The following EPB41 variants were observed in gnomAD, a reference collection of about 807,000 sequenced individuals.
EPB41 encodes protein 4.1.
EPB41 carries 65 observed loss-of-function variants against 108.0 expected under a neutral mutation model. The observed-to-expected ratio is 0.60, with a 90% confidence interval of 0.49 to 0.74. The LOEUF is 0.74. Ranked by LOEUF, EPB41 falls within the 30% of genes least tolerant of loss-of-function variation. EPB41 has a pLI of 0.00. For missense variants in EPB41, 875 were observed against 1,037.0 expected (o/e 0.84, Z 2.15); for synonymous variants, 336 against 358.9 (o/e 0.94, Z 0.72).
At position 28,969,735 on chromosome 1, in the gene EPB41, T is replaced by TA. The variant is rs1293204888; in HGVS notation, c.-7-17689dup. ...TAACACGGTGAAACTCCGTCTCTAC[T>TA]AAAAAAATACAAAAAATTAGCCGGG... On this transcript the variant is annotated intron_variant, in intron 1 of 20. Coordinates refer to ENST00000343067, the MANE Select transcript of EPB41 (RefSeq NM_001376013.1). Among the ~76,000 whole-genome samples, 6 of 151,692 alleles carry TA rather than the reference T, an allele frequency of 4.0e-5. No homozygotes were observed. In the East Asian group the frequency reaches 9.8e-4, roughly 25 times the overall value.
intron 1 of EPB41, among the ~76,000 whole-genome samples, chr1:28,917,925 C>T (rs559353545): frequency 6.6e-6 from 1 of 152,062 alleles, no homozygotes; most frequent in South Asian, 2.1e-4. Flanking sequence ...AGCCACCATG[C>T]CTGGTGTGTA....
intron 1 of EPB41, among the ~76,000 whole-genome samples, chr1:28,923,863 G>A (rs567104882): frequency 1.1e-4 from 16 of 152,164 alleles, no homozygotes; most frequent in African/African-American, 3.9e-4. Flanking sequence ...ACTGTGGTAG[G>A]CAGCCTTTAT....
At chr1:28,919,419 A>G (rs568368061) in intron 1 of EPB41, among the ~76,000 whole-genome samples, 5 of 151,708 alleles carry the variant, frequency 3.3e-5, no homozygotes, top group African/African-American at 4.8e-5. Context: ...ATATCCAAAT[A>G]TTCTGTCTCT....
chr1:28,914,507 G>C (rs2092431231), upstream of EPB41: 1 of 152,418 alleles, frequency 6.6e-6, no homozygotes, highest in Middle Eastern at 3.4e-3. Context: ...ATGTTGTGGC[G>C]AACTGAGGGG....
In EPB41 at chr1:29,048,321, T is replaced by C. The variant is rs560627195; in HGVS notation, c.1637-4783T>C. Among the ~76,000 whole-genome samples the C allele has an allele frequency of 1.5e-4, 23 of 151,996 alleles. 1 individual carries two copies. Among genetic ancestry groups the C allele is most frequent in the Non-Finnish European group, 3.1e-4 (21 of 67,950 alleles). On this transcript the variant is annotated intron_variant, in intron 11 of 20. Coordinates refer to ENST00000343067, the MANE Select transcript of EPB41 (RefSeq NM_001376013.1). ...CCTCTGCCTCCCAGGTTCAAACAAT[T>C]CTCCTGCCTCAGCCTCCCGAGTAGC...
At chr1:28,906,230 C>T (rs927671596) in intron 1 of EPB41, among the ~76,000 whole-genome samples, 1 of 152,170 alleles carries the variant, frequency 6.6e-6, no homozygotes, top group African/African-American at 2.4e-5. Context: ...ATAGTAGCAG[C>T]TTTGGAGGGT....
rs905881616 is a variant in EPB41 at position 29,115,588 on chromosome 1, C to T, written c.2497-111C>T. 1 of 913,850 alleles carries T rather than the reference C, an allele frequency of 1.1e-6. No homozygotes were observed. The allele number at this position is 913,850 out of a possible 1,614,324, so 56.6% of individuals were successfully genotyped here. ...GGCTTAGCCTAAAGCTGCCCTGGTA[C>T]TGCAGACAGGAGTATTGGATCTGTC... On this transcript the variant is annotated intron_variant, in intron 19 of 20. Transcript: ENST00000343067. This position sits in a 1 kb window ranked among gnomAD's most constrained non-coding sequence, Gnocchi z 4.4.
chr1:28,887,433 A>T lies in EPB41; in HGVS notation c.-8+223A>T. 1 of 985,106 alleles carries T rather than the reference A, an allele frequency of 1.0e-6. No homozygotes were observed. The highest frequency in any genetic ancestry group is 1.2e-6 in the Non-Finnish European group (1 of 829,852). The allele number at this position is 985,106 out of a possible 1,614,324, so 61.0% of individuals were successfully genotyped here. On this transcript the variant is annotated intron_variant, in intron 1 of 16. Coordinates refer to the EPB41 transcript ENST00000347529. This position sits in a 1 kb window ranked among gnomAD's most constrained non-coding sequence, Gnocchi z 4.9. ...TTCAGGGTGCAGGGAGGGGCGTGGG[A>T]GTCTGGAGAGGGGGTCCGGGAGCTC...
At chr1:29,026,099 G>T (rs563322935) in intron 7 of EPB41, among the ~76,000 whole-genome samples, 1 of 152,140 alleles carries the variant, frequency 6.6e-6, no homozygotes, top group African/African-American at 2.4e-5. Flanking sequence ...GGACATCCAC[G>T]TGTGCTGAGT....
chr1:28,952,886 C>T (rs1053835776), intron 1 of EPB41, among the ~76,000 whole-genome samples: 1 of 152,132 alleles, frequency 6.6e-6, no homozygotes, highest in Non-Finnish European at 1.5e-5. Flanking sequence ...CTCACCACCA[C>T]GCCCAGCTAA....
chr1:28,985,814 T>A (rs559825851), intron 1 of EPB41: 288 of 148,288 alleles, frequency 1.9e-3, no homozygotes, highest in Non-Finnish European at 1.8e-3. Context: ...GCCTTAAAAA[T>A]TTTTTTTTTT....
chr1:28,982,218 A>T (rs2095767391), intron 1 of EPB41: 1 of 405,136 alleles, frequency 2.5e-6, no homozygotes, highest in Admixed American at 3.2e-5. Flanking sequence ...TACAAAGGAC[A>T]TGAACTCATC....
intron 12 of EPB41, 173 bp downstream of exon 12, chr1:29,053,485 G>A: frequency 1.3e-6 from 1 of 755,284 alleles, no homozygotes. Flanking sequence ...TTTTCGTAGA[G>A]TTATGTCAGT....
intron 1 of EPB41, among the ~76,000 whole-genome samples, chr1:28,962,138 A>G (rs754739414): frequency 1.3e-4 from 20 of 151,356 alleles, no homozygotes; most frequent in Admixed American, 1.3e-3. Context: ...TTGGCTCACT[A>G]CAACCTCCGC....
At chr1:28,943,174 G>C (rs1203223333) in intron 1 of EPB41, among the ~76,000 whole-genome samples, 1 of 151,872 alleles carries the variant, frequency 6.6e-6, no homozygotes, top group Non-Finnish European at 1.5e-5. Context: ...ATGTTAATTT[G>C]GTAAAAAATT....
intron 1 of EPB41, among the ~76,000 whole-genome samples, chr1:28,924,462 G>T (rs1265498358): frequency 6.6e-6 from 1 of 152,118 alleles, no homozygotes; most frequent in Non-Finnish European, 1.5e-5. Context: ...CTGAGAGGTG[G>T]CGGTTGTAGT....
chr1:29,103,720 T>C (rs1213686445), intron 17 of EPB41, among the ~76,000 whole-genome samples: 5 of 152,188 alleles, frequency 3.3e-5, no homozygotes, highest in African/African-American at 1.2e-4. Flanking sequence ...CAGGCTGGAG[T>C]GCAGTGGCGC....
At chr1:28,971,136 C>A (rs1392580605) in intron 1 of EPB41, among the ~76,000 whole-genome samples, 2 of 151,368 alleles carry the variant, frequency 1.3e-5, no homozygotes, top group Non-Finnish European at 2.9e-5. Flanking sequence ...GCATGAGCCA[C>A]CACACCCGGC....
At chr1:29,064,061 C>T (rs2150991538) in intron 15 of EPB41, among the ~76,000 whole-genome samples, 1 of 151,842 alleles carries the variant, frequency 6.6e-6, no homozygotes, top group Middle Eastern at 3.4e-3. Flanking sequence ...GGATATATAC[C>T]TACTATATAC....
Sources: allele counts gnomAD v4.1 joint callset (sites outside exome capture counted in the v4.1 genomes callset), GRCh38; gene constraint gnomAD v4.1.1; non-coding constraint Gnocchi (gnomAD v3.1); transcripts MANE v1.5; gene names NCBI Gene and HGNC (gene_info 2026-07-23, HGNC 2026-07-21).